WWOX: variants seen among roughly 807,000 people sequenced by gnomAD.
The protein encoded by WWOX is WW domain containing oxidoreductase, also known as WW domain-containing oxidoreductase.
WWOX carries 69 observed loss-of-function variants against 46.2 expected under a neutral mutation model. The observed-to-expected ratio is 1.49, with a 90% CI of 1.23 to 1.82. WWOX has a LOEUF of 1.82. Ranked by LOEUF, WWOX falls within the 40% of genes most tolerant of loss-of-function variation. The pLI is 0.00. For missense variants in WWOX, 919 were observed against 542.6 expected, an observed-to-expected ratio of 1.69 and a Z score of -6.89; for synonymous variants, 359 against 202.6, an observed-to-expected ratio of 1.77 and a Z score of -6.56.
Position 78,635,859 on chromosome 16 carries a change from G to T in WWOX, c.1056+203107G>T, listed in dbSNP as rs375660014. ...CGTTTCCTTGCAGATATCATTGGTGGCCATTGGAGGGGAAAAAGATGCTTT... is the reference window on the plus strand; with the variant it reads ...CGTTTCCTTGCAGATATCATTGGTGTCCATTGGAGGGGAAAAAGATGCTTT... On this transcript the variant is annotated intron_variant, in intron 8 of 8. Transcript: ENST00000566780. Among the ~76,000 whole-genome samples the T allele has an allele frequency of 4.8e-4, 73 of 152,266 alleles. No individual in the cohort carries two copies. The South Asian group carries it at 0.013, about 28-fold the overall frequency.
At chr16:78,289,962 A>G (rs1243416166) in intron 5 of WWOX, among the ~76,000 whole-genome samples, 1 of 152,234 alleles carries the variant, frequency 6.6e-6, no homozygotes, top group East Asian at 1.9e-4. Flanking sequence ...TATTTTACTT[A>G]TAATCAGAAG....
intron 8 of WWOX, chr16:79,110,822 G>T (rs1383702953): frequency 6.6e-6 from 1 of 152,202 alleles, no homozygotes; most frequent in Non-Finnish European, 1.5e-5. Context: ...TATCAGCTGG[G>T]TGTTGGGCAA....
In WWOX at chr16:78,164,207, C is replaced by T; in HGVS notation, c.434C>T (p.Ala145Val). The T allele has an allele frequency of 6.2e-7, 1 of 1,614,062 alleles. No homozygotes were observed. Among genetic ancestry groups the T allele is most frequent in the Non-Finnish European group, 8.5e-7 (1 of 1,180,002 alleles). Reference sequence around the variant, plus strand: ...GGGTTCGAAACCGCCAAGTCTTTTGCCCTCCATGGTGCACATGTGATCTTG... The same window carrying T: ...GGGTTCGAAACCGCCAAGTCTTTTGTCCTCCATGGTGCACATGTGATCTTG... ...GIGFETAKSFALHGAHVILAC... is the reference protein window; with the variant it reads ...GIGFETAKSFVLHGAHVILAC... Residue 145 changes from alanine (A) to valine (V), a missense_variant, in exon 5 of 9, where the codon GCC becomes GTC. By Grantham distance (64) the Ala-to-Val change is moderately conservative. Coordinates refer to ENST00000566780, the MANE Select transcript of WWOX (RefSeq NM_016373.4).
intron 8 of WWOX, among the ~76,000 whole-genome samples, chr16:79,081,072 G>T (rs73575124): frequency 1.8e-3 from 271 of 152,244 alleles, no homozygotes; most frequent in African/African-American, 5.7e-3. Flanking sequence ...TATTATAGAA[G>T]TTTTTTGGTA....
intron 8 of WWOX, among the ~76,000 whole-genome samples, chr16:78,671,360 G>C (rs144628108): frequency 2.6e-5 from 4 of 152,344 alleles, no homozygotes; most frequent in African/African-American, 9.6e-5. Flanking sequence ...GGGAGGTGGA[G>C]GTTGCCGTCA....
intron 8 of WWOX, chr16:78,872,670 C>T (rs1381450483): frequency 6.6e-6 from 1 of 152,194 alleles, no homozygotes; most frequent in South Asian, 2.1e-4. Flanking sequence ...AGCCAGTGCT[C>T]AAAACCATAG....
intron 5 of WWOX, among the ~76,000 whole-genome samples, chr16:78,372,866 G>C (rs1055211778): frequency 1.3e-5 from 2 of 152,228 alleles, no homozygotes; most frequent in East Asian, 1.9e-4. Flanking sequence ...CTCTCTTTCA[G>C]CACAGTAGCA....
chr16:78,232,798 A>G (rs574905302), intron 5 of WWOX, among the ~76,000 whole-genome samples: 194 of 152,272 alleles, frequency 1.3e-3, no homozygotes, highest in African/African-American at 4.4e-3. Context: ...TTATCAAGAA[A>G]TTAAAAAGGA....
At chr16:78,521,608 T>C (rs2043349671) in intron 8 of WWOX, among the ~76,000 whole-genome samples, 1 of 152,236 alleles carries the variant, frequency 6.6e-6, no homozygotes, top group African/African-American at 2.4e-5. Flanking sequence ...CTAATATATA[T>C]AAATTCTGAG....
chr16:78,180,274 C>T (rs184789110), intron 5 of WWOX, among the ~76,000 whole-genome samples: 3 of 152,218 alleles, frequency 2.0e-5, no homozygotes, highest in African/African-American at 7.2e-5. Context: ...CATAATCCAG[C>T]TTGATTTTGA....
chr16:78,226,621 G>A (rs1453721561), intron 5 of WWOX, among the ~76,000 whole-genome samples: 1 of 150,478 alleles, frequency 6.6e-6, no homozygotes, highest in Non-Finnish European at 1.5e-5. Flanking sequence ...TTCTTGTATA[G>A]CTCAGGTCTC....
intron 5 of WWOX, among the ~76,000 whole-genome samples, chr16:78,299,263 C>G (rs1044687299): frequency 6.6e-6 from 1 of 152,132 alleles, no homozygotes; most frequent in Non-Finnish European, 1.5e-5. Flanking sequence ...CCTTTTTATT[C>G]TCTAATCTCA....
rs1011451520 is a variant in WWOX at position 79,030,514 on chromosome 16, A to C, written c.1057-181094A>C. Among the ~76,000 whole-genome samples, 7 of 152,216 alleles carry C rather than the reference A, an allele frequency of 4.6e-5. 1 individual carries two copies. On this transcript the variant is annotated intron_variant, in intron 8 of 8. Coordinates refer to ENST00000566780, the MANE Select transcript of WWOX (RefSeq NM_016373.4). ...CCCACAGAAACTCTGCCACAGAGGCACTGACACCAGACCAGGCGTGATCCC... is the reference window on the plus strand; with the variant it reads ...CCCACAGAAACTCTGCCACAGAGGCCCTGACACCAGACCAGGCGTGATCCC...
intron 8 of WWOX, chr16:79,004,202 C>G (rs996427616): frequency 6.6e-6 from 1 of 152,164 alleles, no homozygotes. Context: ...CCTGTTGAGT[C>G]CCTGTGCACC....
intron 5 of WWOX, among the ~76,000 whole-genome samples, chr16:78,290,128 T>C (rs890075135): frequency 2.0e-5 from 3 of 152,176 alleles, no homozygotes; most frequent in Non-Finnish European, 4.4e-5. Flanking sequence ...AATGACAGTG[T>C]CTTTAGTGCA....
At chr16:78,849,246 T>G (rs1426505314) in intron 8 of WWOX, among the ~76,000 whole-genome samples, 1 of 152,144 alleles carries the variant, frequency 6.6e-6, no homozygotes, top group Middle Eastern at 3.2e-3. Context: ...CACTCATTCC[T>G]AGAAATTGCG....
At position 78,154,679 on chromosome 16, in the gene WWOX, C is replaced by G. The variant is rs371148758; in HGVS notation, c.410-9504C>G. On this transcript the variant is annotated intron_variant, in intron 4 of 8. Transcript: ENST00000566780. ...CCCTGAGCCTGCTACCCTTGTGCTT[C>G]TCTGTCCACGCAAAGCCAAGTGCTA... Among the ~76,000 whole-genome samples the G allele has an allele frequency of 2.6e-5, 4 of 152,054 alleles. No individual in the cohort carries two copies. The East Asian group carries it at 7.7e-4, about 29-fold the overall frequency.
intron 5 of WWOX, among the ~76,000 whole-genome samples, chr16:78,340,800 C>G (rs1457557263): frequency 8.5e-6 from 1 of 117,980 alleles, no homozygotes; most frequent in African/African-American, 2.9e-5. Flanking sequence ...GGGGAGAGTT[C>G]TGAGTCTCTG....
chr16:78,904,170 T>C (rs1354594993), intron 8 of WWOX, among the ~76,000 whole-genome samples: 1 of 152,138 alleles, frequency 6.6e-6, no homozygotes, highest in Non-Finnish European at 1.5e-5. Flanking sequence ...GAGTTTTTCT[T>C]TAAAGCAGAA....
Sources: allele counts gnomAD v4.1 joint callset (sites outside exome capture counted in the v4.1 genomes callset), GRCh38; gene constraint gnomAD v4.1.1; transcripts MANE v1.5; gene names NCBI Gene and HGNC (gene_info 2026-07-23, HGNC 2026-07-21).